Variants in DMAP1 observed in about 807,000 individuals in gnomAD.
The protein encoded by DMAP1 is DNA methyltransferase 1-associated protein 1.
In DMAP1, 26 loss-of-function variants were observed where a neutral mutation model predicts 52.7. The observed-to-expected ratio is 0.49, with a 90% CI of 0.36 to 0.68. The LOEUF (loss-of-function observed/expected upper bound fraction) is 0.68, where lower values mean the gene tolerates loss of function less well. Among genes scored for constraint, DMAP1 ranks in the 30% least tolerant of loss-of-function variants. DMAP1 has a pLI of 0.00. For missense variants in DMAP1, 439 were observed against 625.2 expected, an observed-to-expected ratio of 0.70 and a Z score of 3.18; for synonymous variants, 231 against 246.0, an observed-to-expected ratio of 0.94 and a Z score of 0.57.
In DMAP1 at chr1:44,213,505, G is replaced by T; in HGVS notation, c.-249G>T. On this transcript the variant is annotated 5_prime_UTR_variant, in exon 1 of 10. Coordinates refer to ENST00000372289, the MANE Select transcript of DMAP1 (RefSeq NM_019100.5). The surrounding 1 kb of genome is among the most constrained non-coding windows in gnomAD (Gnocchi z 4.5). The stretch of plus-strand genomic sequence containing the variant: ...TTGCGGGGACGGGGGAGTGGTAGTG[G>T]GGGCTGCAGCTGCCGGACCCAGGTG... 1 of 465,398 alleles carries T rather than the reference G, an allele frequency of 2.1e-6. No individual in the cohort carries two copies. Among genetic ancestry groups the T allele is most frequent in the South Asian group, 2.7e-5 (1 of 36,440 alleles). 28.8% of individuals were successfully genotyped at this position (465,398 alleles called of 1,614,324 possible). A position where few individuals can be genotyped will look rare whatever the true frequency, so the allele number is the denominator to read the frequency against.
At chr1:44,214,944 T>G (rs748198944) in intron 3 of DMAP1, 46 bp downstream of exon 3, 1 of 1,609,764 alleles carries the variant, frequency 6.2e-7, no homozygotes. Flanking sequence ...CCCTCCCACT[T>G]TGAGCCATTT....
chr1:44,218,898 C>T lies in DMAP1; in HGVS notation c.720+143C>T. ...AACTGCCCCAAGCCCATTCCTACTTCTCATGGGCCATCCCCCCTGCTTTTC... is the reference window on the plus strand; with the variant it reads ...AACTGCCCCAAGCCCATTCCTACTTTTCATGGGCCATCCCCCCTGCTTTTC... On this transcript the variant is annotated intron_variant, in intron 5 of 9. Coordinates refer to ENST00000372289, the MANE Select transcript of DMAP1 (RefSeq NM_019100.5). This position sits in a 1 kb window ranked among gnomAD's most constrained non-coding sequence, Gnocchi z 5.6. The T allele has an allele frequency of 7.2e-7, 1 of 1,394,726 alleles. No homozygotes were observed. The highest frequency in any genetic ancestry group is 9.8e-7 in the Non-Finnish European group (1 of 1,024,252). 86.4% of individuals were successfully genotyped at this position (1,394,726 alleles called of 1,614,324 possible).
chr1:44,219,055 G>C lies in DMAP1; in HGVS notation c.721-1G>C. On this transcript the variant is annotated splice_acceptor_variant, in intron 5 of 9. Transcript: ENST00000372289. LOFTEE classifies it high-confidence loss of function. Reference sequence around the variant, plus strand: ...ACACTTCGCATCCCTCACTTTCCCAGGTGGCAGAGGAGGAGTACCTGCTAC... The same window carrying C: ...ACACTTCGCATCCCTCACTTTCCCACGTGGCAGAGGAGGAGTACCTGCTAC... The C allele has an allele frequency of 6.2e-7, 1 of 1,613,896 alleles. No homozygotes were observed.
Position 44,218,858 on chromosome 1 carries a change from C to A in DMAP1, c.720+103C>A. 1 of 1,485,304 alleles carries A rather than the reference C, an allele frequency of 6.7e-7. No homozygotes were observed. The allele number at this position is 1,485,304 out of a possible 1,614,324, so 92.0% of individuals were successfully genotyped here. ...CCCACTCCCAGGTCCCCCTGCCTCC[C>A]ACTGATACCTTATTAACTGCCCCAA... On this transcript the variant is annotated intron_variant, in intron 5 of 9. Coordinates refer to ENST00000372289, the MANE Select transcript of DMAP1 (RefSeq NM_019100.5). This position sits in a 1 kb window ranked among gnomAD's most constrained non-coding sequence, Gnocchi z 5.6.
chr1:44,216,188 A>G (rs1361082539), intron 3 of DMAP1: 1 of 151,938 alleles, frequency 6.6e-6, no homozygotes, highest in African/African-American at 2.4e-5. Flanking sequence ...TCACTTGACT[A>G]TGAGCTACTT....
intron 6 of DMAP1, 41 bp from the exon 7 acceptor site, chr1:44,219,365 T>A (rs932506697): frequency 6.5e-7 from 1 of 1,548,644 alleles, no homozygotes; most frequent in African/African-American, 1.4e-5. Flanking sequence ...CTGGGCCCTC[T>A]CCCTGTGACA....
chr1:44,214,277 G>A, intron 1 of DMAP1, 73 bp from the exon 2 acceptor site: 3 of 1,396,772 alleles, frequency 2.1e-6, no homozygotes, highest in Admixed American at 3.4e-5. Context: ...CTTTGTTCAG[G>A]GATTGAGCTG....
chr1:44,219,011 C>T (rs779959012), intron 5 of DMAP1, 45 bp from the exon 6 acceptor site: 47 of 1,606,838 alleles, frequency 2.9e-5, no homozygotes, highest in Middle Eastern at 3.3e-4. Context: ...TCTACCCTCA[C>T]TCCTAGAAGT....
chr1:44,219,737 G>A, intron 7 of DMAP1, 69 bp from the exon 8 acceptor site: 5 of 1,569,326 alleles, frequency 3.2e-6, no homozygotes, highest in Middle Eastern at 3.5e-4. Flanking sequence ...CTTTCCCTCT[G>A]CCTTTTGTCC....
intron 3 of DMAP1, chr1:44,216,226 G>T (rs1643789957): frequency 6.6e-6 from 1 of 151,084 alleles, no homozygotes. Context: ...AGTTCCTGAG[G>T]ATTTTTTTTT....
At position 44,218,163 on chromosome 1, in the gene DMAP1, C is replaced by G; in HGVS notation, c.394-148C>G. ...AACCCTGCTAGGACCTCTAGTCAAG[C>G]AGACAAGTTCTTTCCTCACTCCATG... On this transcript the variant is annotated intron_variant, in intron 3 of 9. Coordinates refer to ENST00000372289, the MANE Select transcript of DMAP1 (RefSeq NM_019100.5). The surrounding 1 kb of genome is among the most constrained non-coding windows in gnomAD (Gnocchi z 5.6). The G allele has an allele frequency of 9.5e-7, 1 of 1,053,282 alleles. No homozygotes were observed. Among genetic ancestry groups the G allele is most frequent in the Admixed American group, 1.7e-5 (1 of 58,302 alleles). The allele number at this position is 1,053,282 out of a possible 1,614,324, so 65.2% of individuals were successfully genotyped here.
chr1:44,214,580 A>T (rs1406972216), intron 2 of DMAP1, 123 bp from the exon 3 acceptor site: 1 of 1,612,574 alleles, frequency 6.2e-7, no homozygotes, highest in African/African-American at 1.3e-5. Flanking sequence ...GAGGACCTGA[A>T]GTCTTTTGCT....
In DMAP1 at chr1:44,218,045, T is replaced by TG; in HGVS notation, c.394-261dup. ...ACATGTGGGCCCCTCACCTTAACTA[T>TG]GGGGGCAGGAGTGTGTGTCCCATGA... On this transcript the variant is annotated intron_variant, in intron 3 of 9. Transcript: ENST00000372289. This position sits in a 1 kb window ranked among gnomAD's most constrained non-coding sequence, Gnocchi z 5.6. 1.8e-6 allele frequency: 1 copy of TG among 552,044 alleles called. No individual in the cohort carries two copies. The highest frequency in any genetic ancestry group is 3.3e-6 in the Non-Finnish European group (1 of 304,826). The allele number at this position is 552,044 out of a possible 1,614,324, so 34.2% of individuals were successfully genotyped here. A position where few individuals can be genotyped will look rare whatever the true frequency, so the allele number is the denominator to read the frequency against.
chr1:44,218,391 C>T lies in DMAP1; in HGVS notation c.474C>T (p.Asp158=). 3 of 1,614,234 alleles carry T rather than the reference C, an allele frequency of 1.9e-6. No individual in the cohort carries two copies. The highest frequency in any genetic ancestry group is 2.5e-6 in the Non-Finnish European group (3 of 1,180,040). Reference sequence around the variant, plus strand: ...ATGCTTGGACTAAGGCAGAAACTGACCACCTCTTTGACCTCAGCCGCCGCT... The same window carrying T: ...ATGCTTGGACTAAGGCAGAAACTGATCACCTCTTTGACCTCAGCCGCCGCT... ...HDDAWTKAET[D]HLFDLSRRFD... The change falls in exon 4 of 10, where the codon GAC becomes GAT. Residue 158 remains aspartate, a synonymous_variant. Transcript: ENST00000372289. This position sits in a 1 kb window ranked among gnomAD's most constrained non-coding sequence, Gnocchi z 5.6.
Position 44,220,059 on chromosome 1 carries a change from A to G in DMAP1, c.1094A>G (p.Asn365Ser). 1.2e-6 allele frequency: 2 copies of G among 1,605,674 alleles called. No individual in the cohort carries two copies. The highest frequency in any genetic ancestry group is 1.7e-6 in the Non-Finnish European group (2 of 1,173,872). ...ACGGAGGAGCTGGTGCACATGTTCA[A>G]TGAGCTGCGAAGCGACCTGGTGCTG... is the stretch of plus-strand genomic sequence containing the variant. ...TPTEELVHMF[N>S]ELRSDLVLLY... The change falls in exon 9 of 10, where the codon AAT (asparagine) becomes AGT (serine). Residue 365 changes from asparagine (N) to serine (S), a missense_variant. Physicochemically the swap from Asn to Ser is conservative, Grantham distance 46. Transcript: ENST00000372289.
chr1:44,220,631 G>A lies in DMAP1; in HGVS notation c.*13G>A. Reference sequence around the variant, plus strand: ...CAAGAAGCCGTGAGAGGCCCCACGGGGTGTGGGCGACGCTGTTATGTAAAT... The same window carrying A: ...CAAGAAGCCGTGAGAGGCCCCACGGAGTGTGGGCGACGCTGTTATGTAAAT... On this transcript the variant is annotated 3_prime_UTR_variant, in exon 10 of 10. Coordinates refer to ENST00000372289, the MANE Select transcript of DMAP1 (RefSeq NM_019100.5). 1.9e-6 allele frequency: 3 copies of A among 1,614,172 alleles called. No individual in the cohort carries two copies. The highest frequency in any genetic ancestry group is 1.7e-6 in the Non-Finnish European group (2 of 1,180,006).
At chr1:44,217,756 A>G (rs1228967136) in intron 3 of DMAP1, 5 of 201,146 alleles carry the variant, frequency 2.5e-5, no homozygotes, top group African/African-American at 4.6e-5. Flanking sequence ...TGGTAGTGCT[A>G]TTTGTCTCTG....
chr1:44,214,311 G>A (rs770254132), intron 1 of DMAP1, 39 bp from the exon 2 acceptor site: 2 of 1,586,354 alleles, frequency 1.3e-6, no homozygotes, highest in Admixed American at 1.7e-5. Flanking sequence ...TCAGGAAAGG[G>A]TCTAGGTTGT....
At position 44,220,651 on chromosome 1, in the gene DMAP1, G is replaced by T. The variant is rs755879098; in HGVS notation, c.*33G>T. On this transcript the variant is annotated 3_prime_UTR_variant, in exon 10 of 10. Transcript: ENST00000372289. ...CACGGGGTGTGGGCGACGCTGTTAT[G>T]TAAATAGAGCTGCTGAGTTGGACCA... 2.5e-6 allele frequency: 4 copies of T among 1,613,548 alleles called. No individual in the cohort carries two copies. The Admixed American group carries it at 6.7e-5, about 27-fold the overall frequency.
Sources: gnomAD v4.1 joint callset for allele counts on GRCh38, gnomAD v4.1.1 for gene constraint, Gnocchi (gnomAD v3.1) non-coding constraint, MANE v1.5 for transcripts, NCBI Gene and HGNC (gene_info 2026-07-23, HGNC 2026-07-21) for gene names.